The following ARHGEF10 variants were observed in gnomAD, a reference collection of about 807,000 sequenced individuals.
ARHGEF10 encodes the protein Rho guanine nucleotide exchange factor 10.
ARHGEF10 carries 140 observed loss-of-function variants against 147.4 expected under a neutral mutation model. That is an observed-to-expected ratio of 0.95 (90% CI 0.83 to 1.09). The LOEUF (loss-of-function observed/expected upper bound fraction) is 1.09, where lower values mean the gene tolerates loss of function less well. Ranked by LOEUF, ARHGEF10 falls within the 50% of genes least tolerant of loss-of-function variation. The pLI, the probability that ARHGEF10 is intolerant of heterozygous loss-of-function variation, is 0.00. For missense variants in ARHGEF10, 2,222 were observed against 1,752.7 expected (o/e 1.27, Z -4.78); for synonymous variants, 902 against 695.8 (o/e 1.30, Z -4.67).
chr8:1,913,187 G>A (rs1013958347), intron 18 of ARHGEF10, among the ~76,000 whole-genome samples: 3 of 152,110 alleles, frequency 2.0e-5, no homozygotes, highest in African/African-American at 4.8e-5. Flanking sequence ...CCTTTAGAAC[G>A]GGAGGAGAGG....
intron 17 of ARHGEF10, among the ~76,000 whole-genome samples, chr8:1,908,517 C>G (rs535356144): frequency 6.6e-6 from 1 of 152,106 alleles, no homozygotes; most frequent in Non-Finnish European, 1.5e-5. Flanking sequence ...CAGGCGTGAG[C>G]CACCGCGCCC....
At chr8:1,891,503 C>T (rs745383498) in intron 11 of ARHGEF10, among the ~76,000 whole-genome samples, 11 of 152,146 alleles carry the variant, frequency 7.2e-5, no homozygotes, top group Admixed American at 2.0e-4. Context: ...GATCCTGTCC[C>T]GTCCCCATTC....
chr8:1,849,816 CAG>C (rs1350718530), intron 2 of ARHGEF10, among the ~76,000 whole-genome samples: 3 of 68,964 alleles, frequency 4.4e-5, no homozygotes, highest in Non-Finnish European at 9.4e-5. Flanking sequence ...TGCGTGGACA[CAG>C]GGCAAATGCT....
At chr8:1,866,981 G>C (rs13277141) in intron 6 of ARHGEF10, among the ~76,000 whole-genome samples, 32,049 of 151,128 alleles carry the variant, frequency 0.21, 3,755 homozygotes, top group East Asian at 0.36. Context: ...TGCAGTGTCT[G>C]GCACCCGTTT....
At chr8:1,951,437 C>T (rs1180682501) in intron 27 of ARHGEF10, among the ~76,000 whole-genome samples, 1 of 152,208 alleles carries the variant, frequency 6.6e-6, no homozygotes, top group Non-Finnish European at 1.5e-5. Flanking sequence ...TATTATTGAG[C>T]TTTTAAAAAT....
rs766200020 is a variant in ARHGEF10 at position 1,928,560 on chromosome 8, G to A, written c.2831G>A (p.Arg944His). The change falls in exon 24 of 29, where the codon CGC becomes CAC. Residue 944 changes from arginine (R) to histidine (H), a missense_variant. Arg to His is a conservative substitution (Grantham distance 29). Coordinates refer to ENST00000349830, the MANE Select transcript of ARHGEF10 (RefSeq NM_014629.4). ...CMLYVPVEEK[R>H]REPGAPPDPE... ...CTGTACGTTCCCGTCGAGGAGAAGC[G>A]CAGAGAGCCTGGGGCACCCCCGGAC... is the stretch of plus-strand genomic sequence containing the variant. 14 of 1,614,114 alleles carry A rather than the reference G, an allele frequency of 8.7e-6. No homozygotes were observed. The highest frequency in any genetic ancestry group is 6.7e-5 in the Admixed American group (4 of 60,012).
chr8:1,881,388 C>G (rs1808181901), intron 9 of ARHGEF10, among the ~76,000 whole-genome samples: 2 of 152,114 alleles, frequency 1.3e-5, no homozygotes, highest in Non-Finnish European at 2.9e-5. Context: ...GTTCACAGCC[C>G]AAATCTGGGG....
chr8:1,935,107 A>G (rs568839458), intron 26 of ARHGEF10, among the ~76,000 whole-genome samples: 47 of 152,320 alleles, frequency 3.1e-4, no homozygotes, highest in South Asian at 2.5e-3. Flanking sequence ...AAAACAAGGT[A>G]CTGTTTTATT....
intron 25 of ARHGEF10, among the ~76,000 whole-genome samples, chr8:1,933,358 T>C (rs1394647828): frequency 6.6e-6 from 1 of 152,158 alleles, no homozygotes; most frequent in Non-Finnish European, 1.5e-5. Context: ...TCTGCTATTA[T>C]TGTAAATGGT....
At chr8:1,952,556 C>A in intron 27 of ARHGEF10, 149 bp from the exon 28 acceptor site, 1 of 1,026,114 alleles carries the variant, frequency 9.7e-7, no homozygotes, top group Non-Finnish European at 1.4e-6. Context: ...GAGCCTGGTG[C>A]TCGGGTTTGG....
At chr8:1,888,941 C>CAGTGGGGTGAGAGTTATGAG (rs1809104176) in intron 11 of ARHGEF10, among the ~76,000 whole-genome samples, 1 of 27,976 alleles carries the variant, frequency 3.6e-5, no homozygotes, top group African/African-American at 1.4e-4. Flanking sequence ...GGGTCTGTGA[C>CAGTGGGGTGAGAGTTATGAG]GAGACACTGA....
intron 7 of ARHGEF10, among the ~76,000 whole-genome samples, chr8:1,873,908 T>G (rs1271246993): frequency 1.3e-5 from 2 of 152,088 alleles, no homozygotes; most frequent in African/African-American, 2.4e-5. Flanking sequence ...TTCCTTTCGG[T>G]CAGTTCAGCA....
At chr8:1,902,282 C>T (rs1040317740) in intron 15 of ARHGEF10, among the ~76,000 whole-genome samples, 6 of 152,194 alleles carry the variant, frequency 3.9e-5, no homozygotes, top group Admixed American at 2.6e-4. Context: ...CAAACGTCAG[C>T]GTGTCGAATG....
intron 9 of ARHGEF10, 111 bp downstream of exon 9, chr8:1,880,275 C>T (rs773291265): frequency 2.9e-5 from 22 of 771,140 alleles, no homozygotes; most frequent in Admixed American, 1.3e-4. Context: ...AAGGGTGGTC[C>T]GGGGCTCCTG....
At chr8:1,893,815 C>T (rs891702164) in intron 12 of ARHGEF10, among the ~76,000 whole-genome samples, 169 bp downstream of exon 12, 2 of 152,194 alleles carry the variant, frequency 1.3e-5, no homozygotes, top group Middle Eastern at 3.4e-3. Flanking sequence ...CATCAAAAGT[C>T]ATGATTTATG....
chr8:1,856,690 G>A (rs990596469), intron 2 of ARHGEF10, among the ~76,000 whole-genome samples: 8 of 152,320 alleles, frequency 5.3e-5, no homozygotes, highest in South Asian at 2.1e-4. Context: ...GAGCTGGGCC[G>A]TCCTGCTTGG....
chr8:1,833,840 G>C (rs1036118174), intron 1 of ARHGEF10, among the ~76,000 whole-genome samples: 1 of 152,242 alleles, frequency 6.6e-6, no homozygotes, highest in Non-Finnish European at 1.5e-5. Context: ...GGGAGTCTTA[G>C]CTGGCACTGT....
chr8:1,894,291 A>G (rs1809788973), intron 12 of ARHGEF10, 102 bp from the exon 13 acceptor site: 1 of 1,217,028 alleles, frequency 8.2e-7, no homozygotes, highest in Admixed American at 1.9e-5. Flanking sequence ...TTGAGGCTGC[A>G]GTGAGCCATG....
intron 2 of ARHGEF10, among the ~76,000 whole-genome samples, chr8:1,854,595 G>A (rs904541074): frequency 1.1e-4 from 16 of 152,102 alleles, no homozygotes; most frequent in African/African-American, 3.6e-4. Flanking sequence ...TGAATTCCAA[G>A]CCCCAAGCCC....
Sources: gnomAD v4.1 joint callset for allele counts (sites outside exome capture counted in the v4.1 genomes callset) on GRCh38, gnomAD v4.1.1 for gene constraint, MANE v1.5 for transcripts, NCBI Gene and HGNC (gene_info 2026-07-23, HGNC 2026-07-21) for gene names.